Variants in DCC observed in about 807,000 individuals in gnomAD.
DCC encodes DCC netrin 1 receptor.
DCC carries 58 observed loss-of-function variants against 172.5 expected under a neutral mutation model. That is an observed-to-expected ratio of 0.34 (90% CI 0.27 to 0.42). DCC has a LOEUF of 0.42. Among genes scored for constraint, DCC ranks in the 10% least tolerant of loss-of-function variants. The probability of loss-of-function intolerance (pLI) is 1.00; values close to 1 mark genes in which losing one functional copy is unlikely to be tolerated. For missense variants in DCC, 1,740 were observed against 1,791.0 expected (o/e 0.97, Z 0.51); for synonymous variants, 709 against 644.5 (o/e 1.10, Z -1.52).
chr18:53,310,375 G>A (rs1180664915), intron 13 of DCC, among the ~76,000 whole-genome samples: 1 of 151,918 alleles, frequency 6.6e-6, no homozygotes, highest in Admixed American at 6.6e-5. Flanking sequence ...TTAAAAAATT[G>A]GAAATTTCAG....
At chr18:53,407,759 A>C (rs1378938734) in intron 19 of DCC, among the ~76,000 whole-genome samples, 4 of 151,836 alleles carry the variant, frequency 2.6e-5, no homozygotes, top group Admixed American at 2.6e-4. Context: ...TCTTCTTTTT[A>C]ATAGATGTGG....
At chr18:53,341,468 G>C (rs1405633766) in intron 15 of DCC, among the ~76,000 whole-genome samples, 1 of 152,136 alleles carries the variant, frequency 6.6e-6, no homozygotes. Context: ...ATATTCTAAA[G>C]AGCTAGGAAT....
At chr18:52,391,150 G>T (rs542014283) in intron 1 of DCC, among the ~76,000 whole-genome samples, 2 of 152,072 alleles carry the variant, frequency 1.3e-5, no homozygotes, top group African/African-American at 4.8e-5. Flanking sequence ...CAGAAACTTG[G>T]TGTATAAACA....
At chr18:53,432,735 TTTA>T (rs1203788078) in intron 21 of DCC, among the ~76,000 whole-genome samples, 1 of 125,448 alleles carries the variant, frequency 8.0e-6, no homozygotes, top group Non-Finnish European at 1.6e-5. Context: ...GGGAGAATCT[TTTA>T]TCATTATTAT....
chr18:53,535,570 GAGAAA>G lies in DCC; in HGVS notation c.*4923_*4927del, dbSNP rs2144653866. On this transcript the variant is annotated 3_prime_UTR_variant, in exon 29 of 29. Transcript: ENST00000442544. ...TACTACAGCTTTAACTAGCCTTAGT[GAGAAA>G]AGAAATTTTTTGTTGTTACAAAACA... The G allele has an allele frequency of 6.6e-6, 1 of 152,326 alleles. No individual in the cohort carries two copies. Among genetic ancestry groups the G allele is most frequent in the Admixed American group, 6.5e-5 (1 of 15,304 alleles). 9.4% of individuals were successfully genotyped at this position (152,326 alleles called of 1,614,324 possible).
At chr18:52,819,922 G>A (rs561162386) in intron 2 of DCC, among the ~76,000 whole-genome samples, 7 of 151,928 alleles carry the variant, frequency 4.6e-5, no homozygotes, top group South Asian at 2.1e-4. Flanking sequence ...GGGTTTCACC[G>A]TATTAGCCAG....
At chr18:52,366,610 G>C (rs546847294) in intron 1 of DCC, among the ~76,000 whole-genome samples, 4 of 150,972 alleles carry the variant, frequency 2.6e-5, no homozygotes, top group Admixed American at 2.6e-4. Context: ...CGATTGGTGC[G>C]CTCAGAAACC....
intron 1 of DCC, among the ~76,000 whole-genome samples, chr18:52,590,010 A>AAG (rs2144795007): frequency 6.6e-6 from 1 of 152,304 alleles, no homozygotes; most frequent in African/African-American, 2.4e-5. Flanking sequence ...TTTTTAAAAA[A>AAG]AGATATACTT....
At chr18:53,357,020 A>G (rs1197785969) in intron 15 of DCC, among the ~76,000 whole-genome samples, 2 of 152,030 alleles carry the variant, frequency 1.3e-5, no homozygotes, top group African/African-American at 4.8e-5. Flanking sequence ...TGTTTTACAT[A>G]TTTTGTCTGT....
intron 3 of DCC, among the ~76,000 whole-genome samples, chr18:52,909,328 A>G (rs1209199669): frequency 6.6e-6 from 1 of 152,224 alleles, no homozygotes; most frequent in Non-Finnish European, 1.5e-5. Context: ...ACATGGTACC[A>G]GAATGGTTAG....
chr18:53,223,589 A>G (rs1311405934), intron 12 of DCC, among the ~76,000 whole-genome samples: 2 of 152,158 alleles, frequency 1.3e-5, no homozygotes, highest in African/African-American at 4.8e-5. Context: ...AATTTAGTTC[A>G]TGGAAGTTGC....
chr18:53,325,589 T>G (rs1415062258), intron 14 of DCC, among the ~76,000 whole-genome samples: 1 of 152,232 alleles, frequency 6.6e-6, no homozygotes, highest in Non-Finnish European at 1.5e-5. Context: ...GCAGTCTAAC[T>G]GTAATCCAAT....
intron 1 of DCC, among the ~76,000 whole-genome samples, chr18:52,457,111 T>C (rs2144528983): frequency 6.6e-6 from 1 of 152,318 alleles, no homozygotes; most frequent in East Asian, 1.9e-4. Context: ...CTTTTGTAGT[T>C]GAAATCATTT....
At chr18:52,826,874 T>C (rs1047208444) in intron 2 of DCC, among the ~76,000 whole-genome samples, 1 of 152,218 alleles carries the variant, frequency 6.6e-6, no homozygotes, top group Non-Finnish European at 1.5e-5. Flanking sequence ...TTCAGAAATA[T>C]ATTGTATCTG....
Position 52,752,098 on chromosome 18 carries a change from C to G in DCC, c.136C>G (p.Pro46Ala). ...AFTALRFLSE[P>A]SDAVTMRGGN... Reference sequence around the variant, plus strand: ...CACAGCACTGCGCTTCCTCTCAGAACCTTCTGATGCCGTCACAATGCGGGG... The same window carrying G: ...CACAGCACTGCGCTTCCTCTCAGAAGCTTCTGATGCCGTCACAATGCGGGG... The change falls in exon 2 of 29, where the codon CCT becomes GCT. Residue 46 changes from proline to alanine, a missense_variant. Pro to Ala is a conservative substitution (Grantham distance 27). Transcript: ENST00000442544. The G allele has an allele frequency of 6.2e-7, 1 of 1,614,166 alleles. No homozygotes were observed. The highest frequency in any genetic ancestry group is 1.1e-5 in the South Asian group (1 of 91,084).
chr18:52,866,520 G>A (rs1001572811), intron 2 of DCC, among the ~76,000 whole-genome samples: 2 of 152,154 alleles, frequency 1.3e-5, no homozygotes, highest in Non-Finnish European at 2.9e-5. Flanking sequence ...TCCTATCCAT[G>A]AGCATGGAAT....
intron 17 of DCC, 121 bp from the exon 18 acceptor site, chr18:53,397,187 C>A: frequency 1.1e-6 from 1 of 877,536 alleles, no homozygotes; most frequent in Non-Finnish European, 1.9e-6. Context: ...TGCTCTACTC[C>A]TCTGCTGTTT....
chr18:53,149,777 G>A (rs183070909), intron 7 of DCC, among the ~76,000 whole-genome samples: 3 of 152,158 alleles, frequency 2.0e-5, no homozygotes, highest in East Asian at 1.9e-4. Flanking sequence ...TATAGTTATC[G>A]TTGCTGAGAT....
intron 5 of DCC, among the ~76,000 whole-genome samples, chr18:53,024,694 A>T (rs1035498724): frequency 1.3e-5 from 2 of 152,196 alleles, no homozygotes; most frequent in African/African-American, 4.8e-5. Context: ...TTTAAGTAAT[A>T]GCAACATTCT....
Sources: gnomAD v4.1 joint callset for allele counts (sites outside exome capture counted in the v4.1 genomes callset) on GRCh38, gnomAD v4.1.1 for gene constraint, MANE v1.5 for transcripts, NCBI Gene and HGNC (gene_info 2026-07-23, HGNC 2026-07-21) for gene names.